BTRC: variants seen among roughly 807,000 people sequenced by gnomAD.
BTRC encodes the protein beta-transducin repeat containing E3 ubiquitin protein ligase.
Under a neutral mutation model 85.5 loss-of-function variants are expected in BTRC, and 42 were observed. The observed-to-expected ratio is 0.49, with a 90% CI of 0.38 to 0.64. BTRC has a LOEUF of 0.64. BTRC is among the 30% of genes least tolerant of loss of function. BTRC has a pLI of 0.00. For synonymous variants in BTRC, 255 were observed against 263.3 expected (o/e 0.97, Z 0.30); for missense variants, 594 against 743.5 (o/e 0.80, Z 2.34).
intron 1 of BTRC, among the ~76,000 whole-genome samples, chr10:101,389,918 G>C (rs1409988538): frequency 6.6e-6 from 1 of 152,122 alleles, no homozygotes; most frequent in Non-Finnish European, 1.5e-5. Context: ...AGCTAAATTT[G>C]CCAAACTCTT....
chr10:101,535,062 G>A (rs2062365500), intron 10 of BTRC, 152 bp downstream of exon 10: 1 of 937,896 alleles, frequency 1.1e-6, no homozygotes, highest in African/African-American at 1.7e-5. Flanking sequence ...TGTAATAAGT[G>A]AGACGTTGTG....
intron 4 of BTRC, among the ~76,000 whole-genome samples, chr10:101,513,166 GAAGA>G (rs2061978518): frequency 6.6e-6 from 1 of 152,136 alleles, no homozygotes; most frequent in South Asian, 2.1e-4. Flanking sequence ...GAGAATGGTA[GAAGA>G]AAGGGGCATG....
At position 101,505,630 on chromosome 10, in the gene BTRC, AAAAAAAAAAATAATAAT is replaced by A. The variant is rs1388579530; in HGVS notation, c.325-16001_325-15985del. 5.5e-4 allele frequency among the ~76,000 whole-genome samples: 73 copies of A among 133,416 alleles called. 1 individual carries two copies. The highest frequency in any genetic ancestry group is 7.6e-4 in the Admixed American group (10 of 13,112). 87.5% of individuals were successfully genotyped at this position (133,416 alleles called of 152,430 possible). ...GCGAGACTCCGTCTCAAAAAAATAA[AAAAAAAAAAATAATAAT>A]AAAAAAACAAATATACCCACCAAAA... is the stretch of plus-strand genomic sequence containing the variant. On this transcript the variant is annotated intron_variant, in intron 4 of 14. Coordinates refer to ENST00000370187, the MANE Select transcript of BTRC (RefSeq NM_033637.4).
chr10:101,459,404 T>G (rs1423865561), intron 2 of BTRC, among the ~76,000 whole-genome samples: 2 of 152,202 alleles, frequency 1.3e-5, no homozygotes, highest in Non-Finnish European at 2.9e-5. Flanking sequence ...CTTCTACTCT[T>G]TAGTATTAGG....
chr10:101,503,315 A>G (rs1251051486), intron 4 of BTRC, among the ~76,000 whole-genome samples: 2 of 152,222 alleles, frequency 1.3e-5, no homozygotes, highest in East Asian at 1.9e-4. Context: ...ATTTAGTCAT[A>G]GTCATTGACT....
At chr10:101,458,696 T>C (rs1564785468) in intron 2 of BTRC, among the ~76,000 whole-genome samples, 1 of 152,188 alleles carries the variant, frequency 6.6e-6, no homozygotes, top group Non-Finnish European at 1.5e-5. Context: ...CTTTATGGAA[T>C]GAAATACTCA....
upstream of BTRC, chr10:101,354,083 G>A: frequency 1.4e-6 from 2 of 1,391,018 alleles, no homozygotes; most frequent in Non-Finnish European, 9.9e-7. Context: ...GAGGGCGGGG[G>A]GAAGGAAGAG....
At chr10:101,366,806 ATATT>A (rs1383661943) in intron 1 of BTRC, among the ~76,000 whole-genome samples, 4 of 80,332 alleles carry the variant, frequency 5.0e-5, no homozygotes, top group Admixed American at 4.8e-4. Context: ...ATTTATATAT[ATATT>A]TATATATATT....
chr10:101,423,868 T>C (rs1944175119), intron 1 of BTRC, among the ~76,000 whole-genome samples: 1 of 152,226 alleles, frequency 6.6e-6, no homozygotes, highest in African/African-American at 2.4e-5. Flanking sequence ...GCAAGTGGCA[T>C]TCACAGAAGC....
At chr10:101,475,922 C>CATATATGTATATAT (rs1945667515) in intron 3 of BTRC, among the ~76,000 whole-genome samples, 1 of 67,538 alleles carries the variant, frequency 1.5e-5, no homozygotes, top group African/African-American at 4.9e-5. Flanking sequence ...AGTATTTTGC[C>CATATATGTATATAT]ATATATATAT....
At chr10:101,365,130 A>G (rs1227130514) in intron 1 of BTRC, 2 of 151,298 alleles carry the variant, frequency 1.3e-5, no homozygotes, top group Middle Eastern at 3.4e-3. Flanking sequence ...CTGGAATACA[A>G]TGGCGCGATC....
At chr10:101,397,964 T>C (rs1196347196) in intron 1 of BTRC, among the ~76,000 whole-genome samples, 1 of 152,258 alleles carries the variant, frequency 6.6e-6, no homozygotes, top group East Asian at 1.9e-4. Context: ...CCTTCCCAAA[T>C]TCCACTTGCT....
intron 13 of BTRC, among the ~76,000 whole-genome samples, chr10:101,545,050 C>CAA (rs751267686): frequency 8.2e-6 from 1 of 121,364 alleles, no homozygotes; most frequent in Admixed American, 8.5e-5. Context: ...GACCCTGTCT[C>CAA]AAAAAAAAAA....
chr10:101,426,050 T>A (rs1166911146), intron 1 of BTRC, among the ~76,000 whole-genome samples: 1 of 152,172 alleles, frequency 6.6e-6, no homozygotes, highest in Non-Finnish European at 1.5e-5. Flanking sequence ...TGTATAGACT[T>A]AATAAGGATA....
At chr10:101,516,293 A>G (rs1024454289) in intron 4 of BTRC, among the ~76,000 whole-genome samples, 1 of 152,166 alleles carries the variant, frequency 6.6e-6, no homozygotes, top group Non-Finnish European at 1.5e-5. Context: ...AGAACCTATT[A>G]TATTATTTTC....
At chr10:101,464,168 TAACA>T (rs1945305073) in intron 3 of BTRC, among the ~76,000 whole-genome samples, 2 of 152,208 alleles carry the variant, frequency 1.3e-5, no homozygotes, top group African/African-American at 4.8e-5. Flanking sequence ...TTATTTAAGC[TAACA>T]AACGAATTTT....
intron 2 of BTRC, among the ~76,000 whole-genome samples, chr10:101,445,473 C>T (rs977714253): frequency 1.3e-5 from 2 of 152,132 alleles, no homozygotes; most frequent in African/African-American, 4.8e-5. Context: ...TAAATTTACT[C>T]AAGCCAACTG....
intron 13 of BTRC, among the ~76,000 whole-genome samples, chr10:101,543,135 C>T (rs187363430): frequency 6.6e-6 from 1 of 152,344 alleles, no homozygotes; most frequent in East Asian, 1.9e-4. Context: ...ACCTCGGCCT[C>T]CCAAAGTGTT....
chr10:101,546,794 CTA>C lies in BTRC; in HGVS notation c.1657-3903_1657-3902del, dbSNP rs1564839917. 2.0e-5 allele frequency among the ~76,000 whole-genome samples: 3 copies of C among 152,220 alleles called. No individual in the cohort carries two copies. In the East Asian group the frequency reaches 5.8e-4, roughly 29 times the overall value. On this transcript the variant is annotated intron_variant, in intron 13 of 14. Coordinates refer to ENST00000370187, the MANE Select transcript of BTRC (RefSeq NM_033637.4). Reference sequence around the variant, plus strand: ...TAAAATGGATGAGTCTCTAGCCAGACTATGAAAAACAAAGAAGACATAATGTA... The same window carrying C: ...TAAAATGGATGAGTCTCTAGCCAGACTGAAAAACAAAGAAGACATAATGTA...
Sources: allele counts gnomAD v4.1 joint callset (sites outside exome capture counted in the v4.1 genomes callset), GRCh38; gene constraint gnomAD v4.1.1; transcripts MANE v1.5; gene names NCBI Gene and HGNC (gene_info 2026-07-23, HGNC 2026-07-21).